Variants in PRIMPOL observed in about 807,000 individuals in gnomAD.
PRIMPOL encodes DNA-directed primase/polymerase protein.
PRIMPOL carries 54 observed loss-of-function variants against 63.6 expected under a neutral mutation model. The ratio of observed to expected loss-of-function variants is 0.85; its 90% CI spans 0.68 to 1.07. The LOEUF (loss-of-function observed/expected upper bound fraction) is 1.07. Among genes scored for constraint, PRIMPOL ranks in the 50% least tolerant of loss-of-function variants. The pLI is 0.00. For synonymous variants in PRIMPOL, 197 were observed against 220.2 expected (o/e 0.89, Z 0.93); for missense variants, 610 against 648.3 (o/e 0.94, Z 0.64).
chr4:184,679,888 C>G (rs1054486048), intron 8 of PRIMPOL, among the ~76,000 whole-genome samples: 2 of 152,158 alleles, frequency 1.3e-5, no homozygotes, highest in Non-Finnish European at 2.9e-5. Context: ...CCACCTTGCC[C>G]CTGCCCCACC....
Position 184,678,338 on chromosome 4 carries a change from A to G in PRIMPOL, c.951A>G (p.Ser317=). ...TEDNKFFPIQ[S]KDVSDEYQYF... ...ATAACAAATTTTTTCCTATACAGTC[A>G]AAAGATGTTTCTGACGAATATCAAT... The change falls in exon 8 of 14, where the codon TCA becomes TCG. Residue 317 remains serine, a synonymous_variant. Coordinates refer to ENST00000314970, the MANE Select transcript of PRIMPOL (RefSeq NM_152683.4). 1.2e-6 allele frequency: 2 copies of G among 1,608,764 alleles called. No homozygotes were observed. The highest frequency in any genetic ancestry group is 1.7e-6 in the Non-Finnish European group (2 of 1,178,220).
intron 3 of PRIMPOL, among the ~76,000 whole-genome samples, chr4:184,658,045 TCAAG>T (rs1747053263): frequency 7.0e-6 from 1 of 143,716 alleles, no homozygotes; most frequent in African/African-American, 2.5e-5. Flanking sequence ...TATCACTAAA[TCAAG>T]CAACAGATGT....
At chr4:184,667,987 A>C in intron 6 of PRIMPOL, among the ~76,000 whole-genome samples, 1 of 152,166 alleles carries the variant, frequency 6.6e-6, no homozygotes, top group East Asian at 1.9e-4. Flanking sequence ...AAAATGAACC[A>C]TTTAAAATGT....
chr4:184,659,198 TCTTGTTTTTAATAATA>T lies in PRIMPOL; in HGVS notation c.181-140_181-125del. On this transcript the variant is annotated intron_variant, in intron 3 of 13. Transcript: ENST00000314970. Reference sequence around the variant, plus strand: ...ATGGCATAAACCTAGTGACTATTTGTCTTGTTTTTAATAATACAAATGTTCAAATTACAGTTTCTGA... The same window carrying T: ...ATGGCATAAACCTAGTGACTATTTGTCAAATGTTCAAATTACAGTTTCTGA... 6.3e-6 allele frequency: 4 copies of T among 639,600 alleles called. No homozygotes were observed. In the East Asian group the frequency reaches 1.1e-4, roughly 18 times the overall value. The allele number at this position is 639,600 out of a possible 1,614,324, so 39.6% of individuals were successfully genotyped here.
At chr4:184,684,015 CTT>C (rs1756355562) in intron 9 of PRIMPOL, among the ~76,000 whole-genome samples, 2 of 151,518 alleles carry the variant, frequency 1.3e-5, no homozygotes. Context: ...ATTTTCTTGT[CTT>C]ATATGTATTT....
intron 3 of PRIMPOL, 200 bp downstream of exon 3, chr4:184,657,520 C>A: frequency 2.1e-6 from 1 of 483,328 alleles, no homozygotes; most frequent in Non-Finnish European, 3.6e-6. Flanking sequence ...AATCATTAAC[C>A]ATTTAATTTA....
intron 7 of PRIMPOL, 58 bp downstream of exon 7, chr4:184,672,518 G>T: frequency 6.7e-7 from 1 of 1,501,138 alleles, no homozygotes; most frequent in Non-Finnish European, 9.0e-7. Flanking sequence ...GTGAGAGACG[G>T]GTTGGTGCCC....
intron 8 of PRIMPOL, among the ~76,000 whole-genome samples, chr4:184,681,350 G>C (rs761089185): frequency 1.3e-5 from 2 of 152,016 alleles, no homozygotes; most frequent in Non-Finnish European, 2.9e-5. Flanking sequence ...CCTGGTGTCT[G>C]TGGGTGATTA....
At chr4:184,654,353 A>G (rs1243712355) in intron 2 of PRIMPOL, among the ~76,000 whole-genome samples, 2 of 152,228 alleles carry the variant, frequency 1.3e-5, no homozygotes, top group East Asian at 1.9e-4. Context: ...TTATCTAAGT[A>G]TAGCAGATTT....
At position 184,694,848 on chromosome 4, in the gene PRIMPOL, T is replaced by G; in HGVS notation, c.*69T>G. The G allele has an allele frequency of 7.5e-7, 1 of 1,337,694 alleles. No homozygotes were observed. The highest frequency in any genetic ancestry group is 1.3e-5 in the South Asian group (1 of 75,634). 82.9% of individuals were successfully genotyped at this position (1,337,694 alleles called of 1,614,324 possible). On this transcript the variant is annotated 3_prime_UTR_variant, in exon 14 of 14. Coordinates refer to ENST00000314970, the MANE Select transcript of PRIMPOL (RefSeq NM_152683.4). ...TGATGTCTGTGAGATTTGATAAATA[T>G]ATCATTCAACCTGTTTATATAAACT... is the stretch of plus-strand genomic sequence containing the variant.
At chr4:184,654,458 T>TTTTTTTTGTTTTTG (rs1553985982) in intron 2 of PRIMPOL, among the ~76,000 whole-genome samples, 1 of 146,652 alleles carries the variant, frequency 6.8e-6, no homozygotes, top group African/African-American at 2.5e-5. Flanking sequence ...AAGCAGTTTT[T>TTTTTTTTGTTTTTG]TTTTTTTTTT....
intron 6 of PRIMPOL, among the ~76,000 whole-genome samples, chr4:184,668,376 C>T (rs536812607): frequency 3.9e-5 from 6 of 152,380 alleles, no homozygotes; most frequent in South Asian, 2.1e-4. Flanking sequence ...GGCTAGAGTG[C>T]GCTGATTCTG....
chr4:184,668,439 G>T (rs1350131783), intron 6 of PRIMPOL, among the ~76,000 whole-genome samples: 1 of 152,252 alleles, frequency 6.6e-6, no homozygotes, highest in Admixed American at 6.5e-5. Context: ...TCAGGCAAAA[G>T]CATGGATGCC....
intron 5 of PRIMPOL, among the ~76,000 whole-genome samples, chr4:184,662,428 T>C (rs1748609246): frequency 6.6e-6 from 1 of 152,216 alleles, no homozygotes; most frequent in African/African-American, 2.4e-5. Context: ...TAAAATCTTG[T>C]CTAAAAATAT....
At chr4:184,684,686 G>A (rs562085401) in intron 9 of PRIMPOL, among the ~76,000 whole-genome samples, 1 of 152,162 alleles carries the variant, frequency 6.6e-6, no homozygotes, top group South Asian at 2.1e-4. Context: ...GGAAAGGACC[G>A]GGAGGATTGG....
At position 184,666,124 on chromosome 4, in the gene PRIMPOL, C is replaced by A; in HGVS notation, c.556+60C>A. ...TATTCAAAACTCATATGTTCTTATT[C>A]CTCTTAAAATTTTGTGTGTACTTAT... On this transcript the variant is annotated intron_variant, in intron 6 of 13. Transcript: ENST00000314970. 10 of 1,346,426 alleles carry A rather than the reference C, an allele frequency of 7.4e-6. No individual in the cohort carries two copies. In the South Asian group the frequency reaches 1.3e-4, roughly 17 times the overall value. 83.4% of individuals were successfully genotyped at this position (1,346,426 alleles called of 1,614,324 possible). A position where few individuals can be genotyped will look rare whatever the true frequency, so the allele number is the denominator to read the frequency against.
intron 6 of PRIMPOL, among the ~76,000 whole-genome samples, chr4:184,670,680 T>C (rs896179399): frequency 6.6e-6 from 1 of 151,948 alleles, no homozygotes; most frequent in African/African-American, 2.4e-5. Flanking sequence ...TCCAGGTAGC[T>C]GGGATTACAG....
chr4:184,651,051 AG>A (rs759955835), intron 1 of PRIMPOL, among the ~76,000 whole-genome samples: 2 of 152,152 alleles, frequency 1.3e-5, no homozygotes, highest in Non-Finnish European at 2.9e-5. Flanking sequence ...GGACTTTGGG[AG>A]GCCGAGGCAG....
intron 8 of PRIMPOL, among the ~76,000 whole-genome samples, chr4:184,680,030 C>T (rs1031389490): frequency 6.6e-6 from 1 of 152,150 alleles, no homozygotes; most frequent in Non-Finnish European, 1.5e-5. Flanking sequence ...CTTAGAGTTG[C>T]AGTTTCCAAG....
Sources: gnomAD v4.1 joint callset for allele counts (sites outside exome capture counted in the v4.1 genomes callset) on GRCh38, gnomAD v4.1.1 for gene constraint, MANE v1.5 for transcripts, NCBI Gene and HGNC (gene_info 2026-07-23, HGNC 2026-07-21) for gene names.